The following L3MBTL3 variants were observed in gnomAD, a reference collection of about 807,000 sequenced individuals.
L3MBTL3 encodes L3MBTL histone methyl-lysine binding protein 3.
A neutral mutation model predicts 102.3 loss-of-function variants in L3MBTL3; 27 were observed. That is an observed-to-expected ratio of 0.26 (90% CI 0.19 to 0.36). The LOEUF (loss-of-function observed/expected upper bound fraction) is 0.36. L3MBTL3 is among the 10% of genes least tolerant of loss of function. The pLI is 1.00. For synonymous variants in L3MBTL3, 340 were observed against 320.9 expected, an observed-to-expected ratio of 1.06 and a Z score of -0.64; for missense variants, 798 against 955.3, an observed-to-expected ratio of 0.84 and a Z score of 2.17.
intron 20 of L3MBTL3, among the ~76,000 whole-genome samples, chr6:130,131,139 A>G (rs1421815279): frequency 2.6e-5 from 4 of 152,226 alleles, no homozygotes; most frequent in Non-Finnish European, 5.9e-5. Flanking sequence ...GGAAGACTCA[A>G]TATTGTAAAG....
chr6:130,045,832 A>C (rs1342742399), intron 3 of L3MBTL3, among the ~76,000 whole-genome samples: 1 of 152,196 alleles, frequency 6.6e-6, no homozygotes, highest in South Asian at 2.1e-4. Context: ...GGCTTCCAGA[A>C]GAGGGAGTAG....
intron 11 of L3MBTL3, among the ~76,000 whole-genome samples, chr6:130,067,985 A>G (rs1386408568): frequency 1.3e-5 from 2 of 152,204 alleles, no homozygotes; most frequent in African/African-American, 2.4e-5. Flanking sequence ...GAGAAAAATA[A>G]AGAATTTTGA....
At chr6:130,092,638 A>G in intron 16 of L3MBTL3, 107 bp from the exon 17 acceptor site, 1 of 630,704 alleles carries the variant, frequency 1.6e-6, no homozygotes, top group Non-Finnish European at 2.8e-6. Flanking sequence ...TTGGGTTTTA[A>G]ATCTACTGTA....
At chr6:130,078,945 C>G (rs891465426) in intron 14 of L3MBTL3, among the ~76,000 whole-genome samples, 1 of 151,846 alleles carries the variant, frequency 6.6e-6, no homozygotes, top group African/African-American at 2.4e-5. Flanking sequence ...CAAATTTTGT[C>G]TCTCTTGGAA....
At position 130,046,636 on chromosome 6, in the gene L3MBTL3, G is replaced by A. The variant is rs1042025787; in HGVS notation, c.103-2646G>A. The stretch of plus-strand genomic sequence containing the variant: ...CAGAAAAAGTTAGCAGATGTGTTTT[G>A]TTTGCTTAATAGTAAATCCCTTTTG... On this transcript the variant is annotated intron_variant, in intron 3 of 22. Transcript: ENST00000361794. Among the ~76,000 whole-genome samples the A allele has an allele frequency of 2.0e-5, 3 of 152,144 alleles. No homozygotes were observed. The East Asian group carries it at 5.8e-4, about 29-fold the overall frequency.
chr6:130,135,381 G>T (rs186061482), intron 22 of L3MBTL3, among the ~76,000 whole-genome samples: 8 of 152,158 alleles, frequency 5.3e-5, no homozygotes, highest in Admixed American at 3.3e-4. Context: ...ATTCTGTATC[G>T]CTGAGCAGAC....
Position 130,108,240 on chromosome 6 carries a change from T to TG in L3MBTL3, c.1886+3665_1886+3666insG, listed in dbSNP as rs1213764934. Among the ~76,000 whole-genome samples the TG allele has an allele frequency of 4.4e-4, 62 of 140,104 alleles. 2 individuals are homozygous for TG. Among genetic ancestry groups the TG allele is most frequent in the Admixed American group, 2.2e-3 (32 of 14,230 alleles). The allele number at this position is 140,104 out of a possible 152,430, so 91.9% of individuals were successfully genotyped here. A position where few individuals can be genotyped will look rare whatever the true frequency, so the allele number is the denominator to read the frequency against. On this transcript the variant is annotated intron_variant, in intron 19 of 22. Transcript: ENST00000361794. Reference sequence around the variant, plus strand: ...AGGTGGTTTTTTTTTTGTTTTTTTTTTTTTTTTTTTTTTAGATGGAGTCTT... The same window carrying TG: ...AGGTGGTTTTTTTTTTGTTTTTTTTTGTTTTTTTTTTTTTAGATGGAGTCTT...
At chr6:130,131,346 T>C (rs1014289578) in intron 20 of L3MBTL3, among the ~76,000 whole-genome samples, 3 of 152,164 alleles carry the variant, frequency 2.0e-5, no homozygotes, top group Non-Finnish European at 4.4e-5. Context: ...ATACCAAGCA[T>C]TGGTGTGGAG....
chr6:130,069,549 A>G (rs984384435), intron 12 of L3MBTL3, among the ~76,000 whole-genome samples: 7 of 152,210 alleles, frequency 4.6e-5, no homozygotes, highest in African/African-American at 1.7e-4. Flanking sequence ...ATTTTAAAAC[A>G]TCTTAATTGA....
chr6:130,136,686 T>C (rs566225927), intron 22 of L3MBTL3, among the ~76,000 whole-genome samples: 1 of 152,196 alleles, frequency 6.6e-6, no homozygotes, highest in African/African-American at 2.4e-5. Context: ...GGCACAATAT[T>C]AGCTCACTGC....
intron 2 of L3MBTL3, among the ~76,000 whole-genome samples, chr6:130,038,304 A>G (rs1780187271): frequency 1.3e-5 from 2 of 151,892 alleles, no homozygotes; most frequent in South Asian, 4.2e-4. Flanking sequence ...TCACTGGATC[A>G]TATGGTATTT....
At position 130,051,393 on chromosome 6, in the gene L3MBTL3, G is replaced by C; in HGVS notation, c.434G>C (p.Arg145Pro). ...GGNYCSQNCA[R>P]HIKDKDQKEE... ...AACTATTGCAGCCAGAATTGTGCTC[G>C]GCACATCAAAGATAAGTAGGTTTTT... is the stretch of plus-strand genomic sequence containing the variant. The change falls in exon 6 of 23, where the codon CGG becomes CCG. Residue 145 changes from arginine to proline, a missense_variant. This residue lies in a region of L3MBTL3 where 434 missense variants were observed against 506.6 expected (regional missense o/e 0.86). Transcript: ENST00000361794. 2.5e-6 allele frequency: 4 copies of C among 1,613,206 alleles called. No individual in the cohort carries two copies. In the South Asian group the frequency reaches 4.4e-5, roughly 18 times the overall value.
chr6:130,048,496 A>G (rs568966926), intron 3 of L3MBTL3, among the ~76,000 whole-genome samples: 2 of 152,256 alleles, frequency 1.3e-5, no homozygotes, highest in South Asian at 2.1e-4. Flanking sequence ...TGTTGTAGAA[A>G]CATACTTTAT....
chr6:130,058,709 T>C (rs9375700), intron 9 of L3MBTL3, among the ~76,000 whole-genome samples: 85,951 of 151,610 alleles, frequency 0.57, 27,175 homozygotes, highest in East Asian at 0.76. Context: ...GTTAGGTCAT[T>C]GTAGCACAAA....
At chr6:130,116,424 A>G (rs1785680469) in intron 19 of L3MBTL3, among the ~76,000 whole-genome samples, 1 of 116,692 alleles carries the variant, frequency 8.6e-6, no homozygotes. Flanking sequence ...ACTTCCTAAG[A>G]TCATATGTGT....
intron 2 of L3MBTL3, among the ~76,000 whole-genome samples, chr6:130,030,665 TAAAAAAAA>T (rs548921467): frequency 4.1e-5 from 2 of 48,532 alleles, no homozygotes; most frequent in Non-Finnish European, 7.5e-5. Flanking sequence ...AGACTCTACC[TAAAAAAAA>T]AAAAAAAAAA....
chr6:130,061,115 C>G (rs1360848496), intron 10 of L3MBTL3, among the ~76,000 whole-genome samples: 1 of 142,836 alleles, frequency 7.0e-6, no homozygotes, highest in Non-Finnish European at 1.5e-5. Flanking sequence ...GATGGAGTCT[C>G]ACTCTGTCAC....
intron 2 of L3MBTL3, among the ~76,000 whole-genome samples, chr6:130,031,019 G>A (rs948347714): frequency 2.0e-5 from 3 of 152,096 alleles, no homozygotes; most frequent in African/African-American, 4.8e-5. Flanking sequence ...ATGTGACCTT[G>A]TATTTGTGGA....
chr6:130,020,212 G>C lies in L3MBTL3; in HGVS notation c.-95+1548G>C, dbSNP rs1778887505. Among the ~76,000 whole-genome samples, 3 of 150,552 alleles carry C rather than the reference G, an allele frequency of 2.0e-5. No homozygotes were observed. The South Asian group carries it at 6.3e-4, about 31-fold the overall frequency. ...CACACTCGCGTCCTGGGCCCCGCGG[G>C]CCGTCCTCGCGCCGCGGCGGCGGGG... is the stretch of plus-strand genomic sequence containing the variant. On this transcript the variant is annotated intron_variant, in intron 1 of 22. Coordinates refer to ENST00000361794, the MANE Select transcript of L3MBTL3 (RefSeq NM_032438.4).
Sources: allele counts gnomAD v4.1 joint callset (sites outside exome capture counted in the v4.1 genomes callset), GRCh38; gene constraint gnomAD v4.1.1; regional missense constraint gnomAD v4.1.1; transcripts MANE v1.5; gene names NCBI Gene and HGNC (gene_info 2026-07-23, HGNC 2026-07-21).